The following L3MBTL4 variants were observed in gnomAD, a reference collection of about 807,000 sequenced individuals.
The protein encoded by L3MBTL4 is L3MBTL histone methyl-lysine binding protein 4, also known as lethal(3)malignant brain tumor-like protein 4.
L3MBTL4 carries 70 observed loss-of-function variants against 84.5 expected under a neutral mutation model. That is an observed-to-expected ratio of 0.83 (90% CI 0.68 to 1.01). The LOEUF is 1.01. Ranked by LOEUF, L3MBTL4 falls within the 50% of genes least tolerant of loss-of-function variation. The probability of loss-of-function intolerance (pLI) is 0.00; values close to 1 mark genes in which losing one functional copy is unlikely to be tolerated. For missense variants in L3MBTL4, 715 were observed against 754.8 expected (o/e 0.95, Z 0.62); for synonymous variants, 274 against 259.8 (o/e 1.05, Z -0.52).
intron 12 of L3MBTL4, among the ~76,000 whole-genome samples, chr18:6,212,300 A>G (rs1192946777): frequency 2.0e-5 from 3 of 152,234 alleles, no homozygotes; most frequent in African/African-American, 7.2e-5. Context: ...AAATTGAATC[A>G]GATATTATTT....
chr18:6,224,606 G>A (rs2046697647), intron 10 of L3MBTL4, among the ~76,000 whole-genome samples: 3 of 152,098 alleles, frequency 2.0e-5, no homozygotes, highest in South Asian at 2.1e-4. Flanking sequence ...CACTCCCATG[G>A]CCAGGATCTC....
At chr18:6,230,207 G>A (rs1599248585) in intron 10 of L3MBTL4, among the ~76,000 whole-genome samples, 1 of 151,920 alleles carries the variant, frequency 6.6e-6, no homozygotes. Context: ...ACTATCCCAG[G>A]TAGATTTTCG....
chr18:6,116,046 C>G (rs1035181915), intron 14 of L3MBTL4, among the ~76,000 whole-genome samples: 2 of 152,128 alleles, frequency 1.3e-5, no homozygotes, highest in African/African-American at 2.4e-5. Context: ...GACTAAGGAG[C>G]AAGAGAGAAC....
intron 1 of L3MBTL4, among the ~76,000 whole-genome samples, chr18:6,365,407 A>C (rs1359431348): frequency 6.6e-6 from 1 of 152,244 alleles, no homozygotes; most frequent in Non-Finnish European, 1.5e-5. Flanking sequence ...AAGTAGGTTA[A>C]CCATAATTGC....
intron 13 of L3MBTL4, among the ~76,000 whole-genome samples, chr18:6,158,003 TC>T (rs2043170835): frequency 6.6e-6 from 1 of 152,172 alleles, no homozygotes; most frequent in Non-Finnish European, 1.5e-5. Context: ...CTAGACCAAT[TC>T]CATAGCTACT....
chr18:6,056,280 A>G (rs916982103), intron 16 of L3MBTL4, among the ~76,000 whole-genome samples: 9 of 152,120 alleles, frequency 5.9e-5, no homozygotes, highest in African/African-American at 2.2e-4. Flanking sequence ...TTCAGCGCCA[A>G]TCTATTCAGC....
intron 5 of L3MBTL4, among the ~76,000 whole-genome samples, chr18:6,245,872 T>C (rs2047642064): frequency 6.6e-6 from 1 of 152,194 alleles, no homozygotes; most frequent in African/African-American, 2.4e-5. Context: ...AATATAGGTG[T>C]GAGCCACTGC....
At chr18:6,014,433 T>C (rs947930799) in intron 16 of L3MBTL4, among the ~76,000 whole-genome samples, 1 of 152,196 alleles carries the variant, frequency 6.6e-6, no homozygotes, top group Non-Finnish European at 1.5e-5. Context: ...GGTAAGGTCC[T>C]GGAGAGGAGA....
chr18:6,106,398 T>G (rs1212797341), intron 14 of L3MBTL4, among the ~76,000 whole-genome samples: 2 of 152,206 alleles, frequency 1.3e-5, no homozygotes, highest in Non-Finnish European at 2.9e-5. Flanking sequence ...CATAGAATAC[T>G]TTGAGGGAAT....
chr18:6,387,671 G>T (rs559460805), intron 1 of L3MBTL4, among the ~76,000 whole-genome samples: 2 of 152,220 alleles, frequency 1.3e-5, no homozygotes, highest in South Asian at 4.2e-4. Flanking sequence ...ATGTGGTTTT[G>T]GAAAATAAAA....
At chr18:6,008,854 CT>C (rs2054605833) in intron 16 of L3MBTL4, among the ~76,000 whole-genome samples, 2 of 152,168 alleles carry the variant, frequency 1.3e-5, no homozygotes. Flanking sequence ...AGGCAACAGT[CT>C]GTGTGTTGTC....
intron 1 of L3MBTL4, among the ~76,000 whole-genome samples, chr18:6,341,695 G>A (rs2052616389): frequency 6.6e-6 from 1 of 151,976 alleles, no homozygotes; most frequent in Non-Finnish European, 1.5e-5. Context: ...AGCAGAGAAA[G>A]AGAAGAGGGA....
chr18:6,130,465 A>G (rs1431333659), intron 14 of L3MBTL4, among the ~76,000 whole-genome samples: 1 of 152,060 alleles, frequency 6.6e-6, no homozygotes, highest in East Asian at 1.9e-4. Context: ...CTGAGCAGTA[A>G]ATGCTCCTCT....
At chr18:6,384,810 T>C (rs1226855688) in intron 1 of L3MBTL4, among the ~76,000 whole-genome samples, 2 of 152,164 alleles carry the variant, frequency 1.3e-5, no homozygotes, top group African/African-American at 4.8e-5. Context: ...TGCCATGTTA[T>C]GAGGACACTC....
chr18:6,235,135 A>G (rs1389720266), intron 10 of L3MBTL4, among the ~76,000 whole-genome samples: 1 of 152,132 alleles, frequency 6.6e-6, no homozygotes, highest in Non-Finnish European at 1.5e-5. Flanking sequence ...ACTTGGACAC[A>G]GGGTGGGGAA....
chr18:6,116,279 G>A (rs1267162174), intron 14 of L3MBTL4, among the ~76,000 whole-genome samples: 1 of 152,078 alleles, frequency 6.6e-6, no homozygotes, highest in Non-Finnish European at 1.5e-5. Context: ...TCCAAGAAGT[G>A]CTGGGGGCAT....
intron 15 of L3MBTL4, among the ~76,000 whole-genome samples, chr18:6,086,760 C>T (rs1160104710): frequency 1.3e-5 from 2 of 152,184 alleles, no homozygotes; most frequent in African/African-American, 4.8e-5. Context: ...TGTCAACCAA[C>T]TGTGATTTTC....
intron 1 of L3MBTL4, among the ~76,000 whole-genome samples, chr18:6,410,064 A>AAT (rs57694710): frequency 0.17 from 26,023 of 152,080 alleles, 2,296 homozygotes; most frequent in African/African-American, 0.22. Context: ...GGATACCTGC[A>AAT]ATGGCATCCT....
intron 16 of L3MBTL4, among the ~76,000 whole-genome samples, chr18:6,056,292 C>A (rs112100520): frequency 6.6e-6 from 1 of 152,136 alleles, no homozygotes; most frequent in Non-Finnish European, 1.5e-5. Flanking sequence ...CTATTCAGCA[C>A]AAAGCAAAAT....
Sources: gnomAD v4.1 joint callset for allele counts (sites outside exome capture counted in the v4.1 genomes callset) on GRCh38, gnomAD v4.1.1 for gene constraint, MANE v1.5 for transcripts, NCBI Gene and HGNC (gene_info 2026-07-23, HGNC 2026-07-21) for gene names.